Variants in RIGI observed in about 807,000 individuals in gnomAD.
RIGI encodes antiviral innate immune response receptor RIG-I.
At chr9:32,523,803 C>T in the RIGI span, among the ~76,000 whole-genome samples, 5 of 151,940 alleles carry the variant, frequency 3.3e-5, no homozygotes, top group Non-Finnish European at 7.4e-5. Flanking sequence ...TTTTGGTCCC[C>T]TCTCCTTATC....
At chr9:32,468,746 G>A in the RIGI span, among the ~76,000 whole-genome samples, 1 of 152,036 alleles carries the variant, frequency 6.6e-6, no homozygotes, top group Non-Finnish European at 1.5e-5. Flanking sequence ...GCAGTGTTGG[G>A]CCTTGAACTT....
chr9:32,467,840 C>T, the RIGI span: 3 of 1,613,656 alleles, frequency 1.9e-6, no homozygotes, highest in East Asian at 2.2e-5. Context: ...ATGTCAATGC[C>T]TTCATCAGCA....
At chr9:32,516,484 C>G in the RIGI span, among the ~76,000 whole-genome samples, 1 of 152,216 alleles carries the variant, frequency 6.6e-6, no homozygotes, top group South Asian at 2.1e-4. Flanking sequence ...AACTGCCCAC[C>G]CAATTTTGGC....
At chr9:32,500,616 C>T in the RIGI span, among the ~76,000 whole-genome samples, 1 of 152,142 alleles carries the variant, frequency 6.6e-6, no homozygotes, top group South Asian at 2.1e-4. Context: ...AATCTCTCTG[C>T]AGATTCTTTT....
chr9:32,509,746 T>C, the RIGI span, among the ~76,000 whole-genome samples: 2 of 151,882 alleles, frequency 1.3e-5, no homozygotes, highest in African/African-American at 2.4e-5. Context: ...GTTTGACAAA[T>C]TGACAGAAGT....
At chr9:32,481,911 C>T in the RIGI span, among the ~76,000 whole-genome samples, 1 of 152,172 alleles carries the variant, frequency 6.6e-6, no homozygotes, top group Non-Finnish European at 1.5e-5. Context: ...TCTCTGCAAA[C>T]AGGATATTCC....
At chr9:32,483,666 T>A in the RIGI span, among the ~76,000 whole-genome samples, 1 of 138,774 alleles carries the variant, frequency 7.2e-6, no homozygotes, top group African/African-American at 2.7e-5. Context: ...AGATGAGAAA[T>A]CATCCCACCC....
the RIGI span, among the ~76,000 whole-genome samples, chr9:32,523,467 T>C: frequency 1.3e-5 from 2 of 152,138 alleles, no homozygotes; most frequent in East Asian, 1.9e-4. Flanking sequence ...TCTTCCCACA[T>C]TTCCTATCTC....
chr9:32,520,688 C>T, the RIGI span, among the ~76,000 whole-genome samples: 1 of 152,166 alleles, frequency 6.6e-6, no homozygotes, highest in African/African-American at 2.4e-5. Context: ...ATAAATTAAA[C>T]ATTAACATCA....
At chr9:32,461,730 T>C in the RIGI span, among the ~76,000 whole-genome samples, 1 of 152,156 alleles carries the variant, frequency 6.6e-6, no homozygotes, top group African/African-American at 2.4e-5. Flanking sequence ...TAGTTTTGTA[T>C]TGATAAGGCA....
chr9:32,459,242 T>C, the RIGI span: 1 of 1,202,092 alleles, frequency 8.3e-7, no homozygotes, highest in Non-Finnish European at 1.2e-6. Flanking sequence ...TCTTAGCTTT[T>C]TTTAAATACA....
At chr9:32,508,703 GT>G in the RIGI span, among the ~76,000 whole-genome samples, 10 of 149,404 alleles carry the variant, frequency 6.7e-5, no homozygotes, top group East Asian at 5.9e-4. Context: ...GCTAGCTGCA[GT>G]TTTTTTTTTC....
chr9:32,466,539 T>C, the RIGI span: 2 of 1,117,652 alleles, frequency 1.8e-6, no homozygotes, highest in Admixed American at 2.9e-5. Context: ...AAAATTCAAC[T>C]TTGGTTCACT....
the RIGI span, chr9:32,488,838 T>G: frequency 6.2e-7 from 1 of 1,613,378 alleles, no homozygotes; most frequent in Non-Finnish European, 8.5e-7. Context: ...GTGGGAATTT[T>G]TTAAGATGAT....
At chr9:32,457,241 T>C in the RIGI span, 1 of 1,614,190 alleles carries the variant, frequency 6.2e-7, no homozygotes. Context: ...TCAATTTTTA[T>C]AACTGGAATC....
chr9:32,512,870 AG>A, the RIGI span, among the ~76,000 whole-genome samples: 1 of 152,132 alleles, frequency 6.6e-6, no homozygotes, highest in Non-Finnish European at 1.5e-5. Context: ...ACTTCAGCAA[AG>A]TCTCAGGATA....
the RIGI span, chr9:32,459,267 A>G: frequency 1.5e-6 from 2 of 1,314,326 alleles, no homozygotes; most frequent in Non-Finnish European, 2.1e-6. Flanking sequence ...TCATGGCCAC[A>G]GTAACAATGG....
chr9:32,525,397 G>A, the RIGI span, among the ~76,000 whole-genome samples: 1 of 152,152 alleles, frequency 6.6e-6, no homozygotes, highest in Non-Finnish European at 1.5e-5. Flanking sequence ...TATCTTTTAA[G>A]TACCACCTCC....
the RIGI span, among the ~76,000 whole-genome samples, chr9:32,463,994 A>C: frequency 1.3e-5 from 2 of 151,268 alleles, no homozygotes; most frequent in African/African-American, 4.9e-5. Flanking sequence ...CAGTTCTTGG[A>C]TACCTCTGGG....
Sources: gnomAD v4.1 joint callset for allele counts (sites outside exome capture counted in the v4.1 genomes callset) on GRCh38, gnomAD v4.1.1 for gene constraint, MANE v1.5 for transcripts, NCBI Gene and HGNC (gene_info 2026-07-23, HGNC 2026-07-21) for gene names.